Variants in IGSF22 observed in about 807,000 individuals in gnomAD.
The protein encoded by IGSF22 is immunoglobulin superfamily member 22.
A neutral mutation model predicts 127.0 loss-of-function variants in IGSF22; 119 were observed. The observed-to-expected ratio is 0.94, with a 90% CI of 0.81 to 1.09. The LOEUF is 1.09. Among genes scored for constraint, IGSF22 ranks in the 50% least tolerant of loss-of-function variants. The probability of loss-of-function intolerance (pLI) is 0.00; values close to 1 mark genes in which losing one functional copy is unlikely to be tolerated. For missense variants in IGSF22, 1,518 were observed against 1,716.6 expected (o/e 0.88, Z 2.04); for synonymous variants, 568 against 664.7 (o/e 0.85, Z 2.24).
Position 18,714,429 on chromosome 11 carries a change from G to T in IGSF22, c.1657-11C>A. On this transcript the variant is annotated splice_polypyrimidine_tract_variant and intron_variant, in intron 12 of 22. Transcript: ENST00000513874. ...TGGCAAGTCCGTGATCTGGGGGTCA[G>T]GGGTGGGCCTGAGTGTGAGCATAGG... is the stretch of plus-strand genomic sequence containing the variant. 6.2e-7 allele frequency: 1 copy of T among 1,613,940 alleles called. No homozygotes were observed. The highest frequency in any genetic ancestry group is 8.5e-7 in the Non-Finnish European group (1 of 1,179,792).
At chr11:18,722,077 G>A (rs1848584990) in intron 2 of IGSF22, 36 bp from the exon 3 acceptor site, 2 of 1,610,950 alleles carry the variant, frequency 1.2e-6, no homozygotes, top group Non-Finnish European at 1.7e-6. Flanking sequence ...ATGGGCTCCA[G>A]GTAGAAGCCC....
At chr11:18,705,607 A>C in intron 22 of IGSF22, 1 of 586,774 alleles carries the variant, frequency 1.7e-6, no homozygotes, top group Non-Finnish European at 3.0e-6. Context: ...AGGGATTGAG[A>C]ACTCTCATGT....
rs1387594666 is a variant in IGSF22, at chr11:18,709,310, G to T, written c.2998+77C>A. ...GATCCTAGCATCATCCAATTTTCCTGTGGGATGAGGCCCCAGAGGAGAAGG... is the reference window on the plus strand; with the variant it reads ...GATCCTAGCATCATCCAATTTTCCTTTGGGATGAGGCCCCAGAGGAGAAGG... On this transcript the variant is annotated intron_variant, in intron 18 of 22. Transcript: ENST00000513874. This position sits in a 1 kb window ranked among gnomAD's most constrained non-coding sequence, Gnocchi z 4.8. 2 of 1,430,592 alleles carry T rather than the reference G, an allele frequency of 1.4e-6. No homozygotes were observed. The highest frequency in any genetic ancestry group is 9.6e-7 in the Non-Finnish European group (1 of 1,042,406). The allele number at this position is 1,430,592 out of a possible 1,614,324, so 88.6% of individuals were successfully genotyped here.
chr11:18,724,198 G>A lies in IGSF22; in HGVS notation c.39C>T (p.His13=), dbSNP rs369906074. Residue 13 remains histidine (H), a synonymous_variant, in exon 2 of 23, where the codon CAC becomes CAT. Coordinates refer to ENST00000513874, the MANE Select transcript of IGSF22 (RefSeq NM_173588.4). ...TGGAGCTGGAGAACTCCATGGACAC[G>A]TGCTCCTGCAGCATCTGCCGGCTGT... ...TIHSRQMLQE[H]VSMEFSSSTT... 1.6e-4 allele frequency: 255 copies of A among 1,613,892 alleles called. No homozygotes were observed. The highest frequency in any genetic ancestry group is 2.0e-4 in the Non-Finnish European group (240 of 1,179,894).
chr11:18,721,906 A>ACACCCTCGGGCGCGGTGACCGGTTGAGG lies in IGSF22; in HGVS notation c.217_241+3dup. 1 of 1,612,604 alleles carries ACACCCTCGGGCGCGGTGACCGGTTGAGG rather than the reference A, an allele frequency of 6.2e-7. No homozygotes were observed. The highest frequency in any genetic ancestry group is 8.5e-7 in the Non-Finnish European group (1 of 1,180,022). ...AGCCCGGTGAGCCACAGGCAGCAAC[A>ACACCCTCGGGCGCGGTGACCGGTTGAGG]CACCCTCGGGCGCGGTGACCGGTTG... is the stretch of plus-strand genomic sequence containing the variant. On this transcript the variant is annotated splice_donor_region_variant and intron_variant, in intron 3 of 22. Coordinates refer to ENST00000513874, the MANE Select transcript of IGSF22 (RefSeq NM_173588.4).
At chr11:18,723,667 G>A (rs1848608110) in intron 2 of IGSF22, among the ~76,000 whole-genome samples, 2 of 152,246 alleles carry the variant, frequency 1.3e-5, no homozygotes, top group South Asian at 2.1e-4. Context: ...AAGCCTGGAA[G>A]GTAAGGTCAC....
intron 2 of IGSF22, among the ~76,000 whole-genome samples, chr11:18,723,564 G>C (rs1375349604): frequency 8.5e-5 from 13 of 152,238 alleles, no homozygotes; most frequent in Admixed American, 8.5e-4. Context: ...CTTTCCACTA[G>C]AGACGTGACT....
rs745693020 is a variant in IGSF22, at chr11:18,707,840, C to T, written c.3244G>A (p.Gly1082Arg). The T allele has an allele frequency of 1.2e-6, 2 of 1,611,396 alleles. No homozygotes were observed. Among genetic ancestry groups the T allele is most frequent in the South Asian group, 2.2e-5 (2 of 90,432 alleles). ...ACATGGATGTCATAGCGTGCTTCTC[C>T]AAACTCATTCTGAAGCAAGATTCGG... ...VYRILLQNEF[G>R]EARYDIHVRV... Residue 1082 changes from glycine to arginine, a missense_variant, in exon 20 of 23, where the codon GGA becomes AGA. Physicochemically the swap from Gly to Arg is moderately radical, Grantham distance 125. Transcript: ENST00000513874.
chr11:18,710,668 C>T lies in IGSF22; in HGVS notation c.2559G>A (p.Lys853=). ...KGSNLWVPVN[K]DPIQGTKCTV... is the part of the protein sequence containing the mutation. ...CAAGGACCTCACCCTGGATGGGGTC[C>T]TTGTTGACTGGCACCCACAGGTTGC... Residue 853 remains lysine (K), a synonymous_variant, in exon 16 of 23, where the codon AAG becomes AAA. Coordinates refer to ENST00000513874, the MANE Select transcript of IGSF22 (RefSeq NM_173588.4). The T allele has an allele frequency of 6.2e-7, 1 of 1,612,840 alleles. No individual in the cohort carries two copies. The highest frequency in any genetic ancestry group is 8.5e-7 in the Non-Finnish European group (1 of 1,178,882).
intron 2 of IGSF22, 102 bp downstream of exon 2, chr11:18,724,026 C>CATTAAA: frequency 1.2e-6 from 1 of 837,394 alleles, no homozygotes; most frequent in Non-Finnish European, 2.0e-6. Flanking sequence ...TTGTGGGCTC[C>CATTAAA]AGAGGGGCCC....
intron 22 of IGSF22, 136 bp from the exon 23 acceptor site, chr11:18,704,674 G>A: frequency 1.5e-6 from 1 of 650,388 alleles, no homozygotes; most frequent in Non-Finnish European, 2.8e-6. Flanking sequence ...GAGTGTGAAG[G>A]GGCAAGAGCT....
rs779666083 is a variant in IGSF22 at position 18,714,530 on chromosome 11, C to T, written c.1626G>A (p.Val542=). 3 of 1,614,112 alleles carry T rather than the reference C, an allele frequency of 1.9e-6. No homozygotes were observed. Among genetic ancestry groups the T allele is most frequent in the Middle Eastern group, 1.6e-4 (1 of 6,084 alleles). ...TGCCATCCTTCAGCCACACACCCTC[C>T]ACCTTCTCGTCATTCAGCACTACAC... The part of the protein sequence containing the change: ...ELCVVLNDEK[V]EGVWLKDGKE... The change falls in exon 12 of 23, where the codon GTG becomes GTA. Residue 542 remains valine (V), a synonymous_variant. Transcript: ENST00000513874.
chr11:18,712,278 T>C lies in IGSF22; in HGVS notation c.2202A>G (p.Thr734=). The change falls in exon 15 of 23, where the codon ACA becomes ACG. Residue 734 remains threonine, a synonymous_variant. Transcript: ENST00000513874. ...CTGCCCTCCGTTCCACTATGAACTG[T>C]GTCACAGGTCGTCCACCATTGTCCT... is the stretch of plus-strand genomic sequence containing the variant. The part of the protein sequence containing the change: ...APKDNGGRPV[T]QFIVERRAVG... 2 of 1,551,746 alleles carry C rather than the reference T, an allele frequency of 1.3e-6. No individual in the cohort carries two copies.
intron 7 of IGSF22, 97 bp downstream of exon 7, chr11:18,719,619 T>A: frequency 8.1e-7 from 1 of 1,232,586 alleles, no homozygotes; most frequent in Non-Finnish European, 1.1e-6. Context: ...TGTGCAGAAC[T>A]GGGGAGACCT....
In IGSF22 at chr11:18,709,018, A is replaced by T. The variant is rs1483767995; in HGVS notation, c.2998+369T>A. On this transcript the variant is annotated intron_variant, in intron 18 of 22. Coordinates refer to ENST00000513874, the MANE Select transcript of IGSF22 (RefSeq NM_173588.4). The surrounding 1 kb of genome is among the most constrained non-coding windows in gnomAD (Gnocchi z 4.8). ...CCCCAGTCAGAAGCAGGCTCCCTGG[A>T]CTTTGAATTTTCGGGGAATTGATTT... Among the ~76,000 whole-genome samples, 1 of 152,054 alleles carries T rather than the reference A, an allele frequency of 6.6e-6. No homozygotes were observed. The highest frequency in any genetic ancestry group is 2.4e-5 in the African/African-American group (1 of 41,378).
At chr11:18,718,784 G>A in intron 7 of IGSF22, 56 bp from the exon 8 acceptor site, 1 of 1,033,204 alleles carries the variant, frequency 9.7e-7, no homozygotes, top group South Asian at 1.4e-5. Context: ...AGCCTGCCCA[G>A]ACTGTGTCCT....
chr11:18,719,310 G>GAT (rs1554905397), intron 7 of IGSF22, among the ~76,000 whole-genome samples: 1 of 149,758 alleles, frequency 6.7e-6, no homozygotes, highest in Non-Finnish European at 1.5e-5. Context: ...ACACCCAGCG[G>GAT]TTTTTTTTTG....
intron 15 of IGSF22, among the ~76,000 whole-genome samples, chr11:18,711,257 T>C (rs1848351073): frequency 6.6e-6 from 1 of 152,222 alleles, no homozygotes; most frequent in South Asian, 2.1e-4. Context: ...GTGATTCTAA[T>C]GTATAGCCGA....
chr11:18,709,504 T>C lies in IGSF22; in HGVS notation c.2881A>G (p.Thr961Ala). 1 of 1,614,190 alleles carries C rather than the reference T, an allele frequency of 6.2e-7. No individual in the cohort carries two copies. Among genetic ancestry groups the C allele is most frequent in the South Asian group, 1.1e-5 (1 of 91,070 alleles). ...TKIPISGTCY[T>A]VGGLIERQKY... ...TGCCTCTCGATGAGTCCTCCCACTGTGTAGCAGGTGCCTGAGATGGGGATC... is the reference window on the plus strand; with the variant it reads ...TGCCTCTCGATGAGTCCTCCCACTGCGTAGCAGGTGCCTGAGATGGGGATC... The change falls in exon 18 of 23, where the codon ACA becomes GCA. Residue 961 changes from threonine (T) to alanine (A), a missense_variant. Coordinates refer to ENST00000513874, the MANE Select transcript of IGSF22 (RefSeq NM_173588.4). The surrounding 1 kb of genome is among the most constrained non-coding windows in gnomAD (Gnocchi z 4.8).
Sources: allele counts gnomAD v4.1 joint callset (sites outside exome capture counted in the v4.1 genomes callset), GRCh38; gene constraint gnomAD v4.1.1; non-coding constraint Gnocchi (gnomAD v3.1); transcripts MANE v1.5; gene names NCBI Gene and HGNC (gene_info 2026-07-23, HGNC 2026-07-21).